Variants in ZC2HC1B observed in about 807,000 individuals in gnomAD.
ZC2HC1B encodes the protein zinc finger C2HC-type containing 1B, also known as zinc finger C2HC domain-containing protein 1B.
ZC2HC1B carries 36 observed loss-of-function variants against 31.0 expected under a neutral mutation model. The observed-to-expected ratio is 1.16, with a 90% CI of 0.89 to 1.54. The LOEUF (loss-of-function observed/expected upper bound fraction) is 1.54, where lower values mean the gene tolerates loss of function less well. Ranked by LOEUF, ZC2HC1B falls within the 40% of genes most tolerant of loss-of-function variation. ZC2HC1B has a pLI of 0.00. For synonymous variants in ZC2HC1B, 73 were observed against 88.0 expected, an observed-to-expected ratio of 0.83 and a Z score of 0.95; for missense variants, 260 against 268.6, an observed-to-expected ratio of 0.97 and a Z score of 0.22.
At position 143,864,586 on chromosome 6, in the gene ZC2HC1B, C is replaced by T. The variant is rs1313820956; in HGVS notation, c.28+19C>T. ...TTGGCAGGTGAGCTGCACTTGATAT[C>T]TAAATTATTAGAAAATGCCTTCATC... On this transcript the variant is annotated intron_variant, in intron 1 of 7. Coordinates refer to ENST00000237275, the MANE Select transcript of ZC2HC1B (RefSeq NM_001013623.3). 1.3e-6 allele frequency: 2 copies of T among 1,551,442 alleles called. No individual in the cohort carries two copies. Among genetic ancestry groups the T allele is most frequent in the South Asian group, 2.4e-5 (2 of 84,060 alleles).
chr6:143,928,038 T>C (rs772901050), intron 6 of ZC2HC1B, among the ~76,000 whole-genome samples: 7 of 152,370 alleles, frequency 4.6e-5, no homozygotes, highest in Admixed American at 2.6e-4. Flanking sequence ...CCTTGTCAGA[T>C]GCACAGTTTG....
At position 143,884,937 on chromosome 6, in the gene ZC2HC1B, C is replaced by T. The variant is rs1009762716; in HGVS notation, c.90+572C>T. Among the ~76,000 whole-genome samples the T allele has an allele frequency of 7.2e-5, 11 of 152,020 alleles. No homozygotes were observed. The highest frequency in any genetic ancestry group is 1.6e-4 in the Non-Finnish European group (11 of 67,998). On this transcript the variant is annotated intron_variant, in intron 2 of 7. Coordinates refer to ENST00000237275, the MANE Select transcript of ZC2HC1B (RefSeq NM_001013623.3). This position sits in a 1 kb window ranked among gnomAD's most constrained non-coding sequence, Gnocchi z 5.1. ...TCAAGCTAACGGCATGTCAAGTCCC[C>T]GATTGATGGCTATAAAGTTGAATAA...
chr6:143,872,783 A>G lies in ZC2HC1B; in HGVS notation c.28+8216A>G, dbSNP rs1172074417. ...GAGACTCAATCACTATCATAAGAAT[A>G]GCATGGGAAAGACCGGCCCCCATTT... On this transcript the variant is annotated intron_variant, in intron 1 of 7. Coordinates refer to ENST00000237275, the MANE Select transcript of ZC2HC1B (RefSeq NM_001013623.3). This position sits in a 1 kb window ranked among gnomAD's most constrained non-coding sequence, Gnocchi z 5.5. Among the ~76,000 whole-genome samples, 1 of 152,186 alleles carries G rather than the reference A, an allele frequency of 6.6e-6. No individual in the cohort carries two copies. Among genetic ancestry groups the G allele is most frequent in the Non-Finnish European group, 1.5e-5 (1 of 68,034 alleles).
At chr6:143,901,723 G>A (rs1293273101) in intron 5 of ZC2HC1B, among the ~76,000 whole-genome samples, 1 of 152,150 alleles carries the variant, frequency 6.6e-6, no homozygotes, top group African/African-American at 2.4e-5. Context: ...CTTGCACACA[G>A]GGGCTCCTCC....
chr6:143,882,556 A>G (rs932118892), intron 1 of ZC2HC1B, among the ~76,000 whole-genome samples: 1 of 151,452 alleles, frequency 6.6e-6, no homozygotes, highest in Non-Finnish European at 1.5e-5. Flanking sequence ...TTCCTTTTTC[A>G]AACTGTCTTC....
intron 6 of ZC2HC1B, among the ~76,000 whole-genome samples, chr6:143,927,073 C>T (rs1044780138): frequency 1.3e-5 from 2 of 151,938 alleles, no homozygotes; most frequent in African/African-American, 4.8e-5. Context: ...GCTGGGATTA[C>T]AGGCGTGAGC....
At chr6:143,890,738 A>AT (rs1226905782) in intron 4 of ZC2HC1B, among the ~76,000 whole-genome samples, 2 of 152,208 alleles carry the variant, frequency 1.3e-5, no homozygotes, top group Non-Finnish European at 2.9e-5. Flanking sequence ...GGAACTACAA[A>AT]AAAGCTACTG....
rs1777511740 is a variant in ZC2HC1B, at chr6:143,884,876, G to A, written c.90+511G>A. 6.6e-6 allele frequency among the ~76,000 whole-genome samples: 1 copy of A among 152,172 alleles called. No homozygotes were observed. The highest frequency in any genetic ancestry group is 1.5e-5 in the Non-Finnish European group (1 of 68,028). ...CATTTGAACAAAATGATACATGGAT[G>A]TAAGTCCTGTTCCAAGATCTAATTG... is the stretch of plus-strand genomic sequence containing the variant. On this transcript the variant is annotated intron_variant, in intron 2 of 7. Transcript: ENST00000237275. This position sits in a 1 kb window ranked among gnomAD's most constrained non-coding sequence, Gnocchi z 5.1.
intron 6 of ZC2HC1B, among the ~76,000 whole-genome samples, chr6:143,931,506 T>C (rs114208250): frequency 0.019 from 2,949 of 152,340 alleles, 100 homozygotes; most frequent in African/African-American, 0.067. Context: ...TTAGCAGTTC[T>C]TGTAGTGCTG....
chr6:143,884,459 T>G lies in ZC2HC1B; in HGVS notation c.90+94T>G. 6.6e-6 allele frequency: 8 copies of G among 1,204,760 alleles called. No homozygotes were observed. Among genetic ancestry groups the G allele is most frequent in the Non-Finnish European group, 9.2e-6 (8 of 869,768 alleles). 74.6% of individuals were successfully genotyped at this position (1,204,760 alleles called of 1,614,324 possible). ...CGGCAGTGCAAAGATTAAAGACAGA[T>G]GTGGAGGGGAAGCAAGGGAAGAGGA... On this transcript the variant is annotated intron_variant, in intron 2 of 7. Transcript: ENST00000237275. This position sits in a 1 kb window ranked among gnomAD's most constrained non-coding sequence, Gnocchi z 5.1.
At chr6:143,919,415 T>C (rs1466981024) in intron 6 of ZC2HC1B, among the ~76,000 whole-genome samples, 1 of 152,134 alleles carries the variant, frequency 6.6e-6, no homozygotes, top group Non-Finnish European at 1.5e-5. Context: ...TTGTAGTTTT[T>C]AATGTCTAGT....
rs77999615 is a variant in ZC2HC1B, at chr6:143,865,385, C to T, written c.28+818C>T. On this transcript the variant is annotated intron_variant, in intron 1 of 7. Coordinates refer to ENST00000237275, the MANE Select transcript of ZC2HC1B (RefSeq NM_001013623.3). The surrounding 1 kb of genome is among the most constrained non-coding windows in gnomAD (Gnocchi z 4.4). ...AGAATCTTGGTACTTGCTGTTCCCC[C>T]AGAAGTGCTTTCACTGCAGACAGAC... Among the ~76,000 whole-genome samples the T allele has an allele frequency of 4.3e-4, 66 of 152,260 alleles. 1 individual carries two copies. The highest frequency in any genetic ancestry group is 1.5e-3 in the African/African-American group (62 of 41,538).
At position 143,865,094 on chromosome 6, in the gene ZC2HC1B, T is replaced by C. The variant is rs1346839326; in HGVS notation, c.28+527T>C. Among the ~76,000 whole-genome samples the C allele has an allele frequency of 6.6e-6, 1 of 152,270 alleles. No homozygotes were observed. The highest frequency in any genetic ancestry group is 1.5e-5 in the Non-Finnish European group (1 of 68,052). On this transcript the variant is annotated intron_variant, in intron 1 of 7. Transcript: ENST00000237275. This position sits in a 1 kb window ranked among gnomAD's most constrained non-coding sequence, Gnocchi z 4.4. Reference sequence around the variant, plus strand: ...AGTCTTGATGAAGCATATTGTGATTTAGGCAGGTTATACTCCAAACTTAAA... The same window carrying C: ...AGTCTTGATGAAGCATATTGTGATTCAGGCAGGTTATACTCCAAACTTAAA...
Position 143,899,655 on chromosome 6 carries a change from G to A in ZC2HC1B, c.489+964G>A, listed in dbSNP as rs1777711367. On this transcript the variant is annotated intron_variant, in intron 5 of 7. Transcript: ENST00000237275. The surrounding 1 kb of genome is among the most constrained non-coding windows in gnomAD (Gnocchi z 5.0). The stretch of plus-strand genomic sequence containing the variant: ...GCCTCCCAAAGTGCTAGAACTACAA[G>A]TGTGAGCATCGTGCCTGGCCCCTAC... Among the ~76,000 whole-genome samples the A allele has an allele frequency of 6.6e-6, 1 of 152,212 alleles. No individual in the cohort carries two copies. The highest frequency in any genetic ancestry group is 2.1e-4 in the South Asian group (1 of 4,828).
intron 1 of ZC2HC1B, among the ~76,000 whole-genome samples, chr6:143,882,161 G>C (rs1238365175): frequency 2.6e-5 from 4 of 151,322 alleles, no homozygotes; most frequent in Non-Finnish European, 4.4e-5. Context: ...GTCACTGTAA[G>C]GATCACATGA....
chr6:143,901,967 C>T (rs993869944), intron 5 of ZC2HC1B, among the ~76,000 whole-genome samples: 2 of 152,136 alleles, frequency 1.3e-5, no homozygotes, highest in African/African-American at 4.8e-5. Context: ...TTTAGTGGGG[C>T]CAAAGAGAGC....
chr6:143,893,505 T>G (rs1409557826), intron 4 of ZC2HC1B, among the ~76,000 whole-genome samples: 1 of 151,998 alleles, frequency 6.6e-6, no homozygotes, highest in Admixed American at 6.6e-5. Flanking sequence ...AGGCAGAGGT[T>G]GCAGTGAGCA....
At chr6:143,882,335 TATATATATATATATATATATATA>T in intron 1 of ZC2HC1B, among the ~76,000 whole-genome samples, 1 of 48,226 alleles carries the variant, frequency 2.1e-5, no homozygotes, top group East Asian at 7.4e-4. Context: ...TTATATTTTT[TATATATATATATATATATATATA>T]TATATATATA....
Sources: allele counts gnomAD v4.1 joint callset (sites outside exome capture counted in the v4.1 genomes callset), GRCh38; gene constraint gnomAD v4.1.1; non-coding constraint Gnocchi (gnomAD v3.1); transcripts MANE v1.5; gene names NCBI Gene and HGNC (gene_info 2026-07-23, HGNC 2026-07-21).